Variants in TASP1 observed in about 807,000 individuals in gnomAD.
The protein encoded by TASP1 is threonine aspartase 1.
TASP1 carries 16 observed loss-of-function variants against 56.6 expected under a neutral mutation model. The ratio of observed to expected loss-of-function variants is 0.28; its 90% CI spans 0.19 to 0.43. The LOEUF is 0.43. Ranked by LOEUF, TASP1 falls within the 20% of genes least tolerant of loss-of-function variation. TASP1 has a pLI of 1.00. For missense variants in TASP1, 393 were observed against 511.6 expected, an observed-to-expected ratio of 0.77 and a Z score of 2.24; for synonymous variants, 179 against 184.2, an observed-to-expected ratio of 0.97 and a Z score of 0.23.
the TASP1 span, among the ~76,000 whole-genome samples, chr20:13,287,879 T>C: frequency 6.6e-6 from 1 of 152,186 alleles, no homozygotes; most frequent in Non-Finnish European, 1.5e-5. Context: ...CATGATCCTG[T>C]GGCTCAGGAG....
chr20:13,631,160 T>C (rs1359975813), intron 1 of TASP1, among the ~76,000 whole-genome samples: 2 of 152,178 alleles, frequency 1.3e-5, no homozygotes, highest in African/African-American at 2.4e-5. Flanking sequence ...ATTCCCTTAA[T>C]TCTTGGTTTA....
the TASP1 span, among the ~76,000 whole-genome samples, chr20:13,112,481 C>T: frequency 3.9e-5 from 6 of 152,272 alleles, no homozygotes; most frequent in Non-Finnish European, 7.4e-5. Context: ...AGGCCAGCCC[C>T]GATTCAAAAG....
At chr20:13,184,854 G>A in the TASP1 span, among the ~76,000 whole-genome samples, 5 of 152,140 alleles carry the variant, frequency 3.3e-5, no homozygotes, top group African/African-American at 1.2e-4. Context: ...TAGGTCAGCT[G>A]AACCTAAGCT....
the TASP1 span, among the ~76,000 whole-genome samples, chr20:13,153,383 C>A: frequency 6.6e-6 from 1 of 152,126 alleles, no homozygotes. Context: ...CCAATGTTGT[C>A]CTTTTTTCTG....
At chr20:13,158,740 G>A in the TASP1 span, among the ~76,000 whole-genome samples, 8 of 152,246 alleles carry the variant, frequency 5.3e-5, no homozygotes, top group African/African-American at 1.9e-4. Context: ...AGCCAGAGAG[G>A]CTGTGTGTCT....
chr20:13,131,870 G>A, the TASP1 span, among the ~76,000 whole-genome samples: 1 of 152,112 alleles, frequency 6.6e-6, no homozygotes, highest in Non-Finnish European at 1.5e-5. Context: ...ACTCAGCAGA[G>A]TCCAGACTGT....
chr20:13,419,547 A>AT (rs1292504325), intron 12 of TASP1, among the ~76,000 whole-genome samples: 1 of 152,238 alleles, frequency 6.6e-6, no homozygotes, highest in Non-Finnish European at 1.5e-5. Flanking sequence ...TAAAGTTGTA[A>AT]TGTACTCCAA....
the TASP1 span, among the ~76,000 whole-genome samples, chr20:13,178,886 TA>T: frequency 5.9e-5 from 9 of 152,064 alleles, no homozygotes; most frequent in African/African-American, 2.2e-4. Flanking sequence ...CTATAGTTAA[TA>T]ATAATACATC....
Position 13,402,241 on chromosome 20 carries a change from T to C in TASP1, c.1171-11789A>G, listed in dbSNP as rs371164838. On this transcript the variant is annotated intron_variant, in intron 13 of 13. Coordinates refer to ENST00000337743, the MANE Select transcript of TASP1 (RefSeq NM_017714.3). ...TGTTGAATGAATCATTTGGAAGAAATTAATGATGTAAGACTAATTAGGCAA... is the reference window on the plus strand; with the variant it reads ...TGTTGAATGAATCATTTGGAAGAAACTAATGATGTAAGACTAATTAGGCAA... Among the ~76,000 whole-genome samples, 16 of 152,338 alleles carry C rather than the reference T, an allele frequency of 1.1e-4. No homozygotes were observed. The East Asian group carries it at 2.5e-3, about 24-fold the overall frequency.
the TASP1 span, among the ~76,000 whole-genome samples, chr20:13,183,768 G>A: frequency 1.5e-3 from 225 of 152,226 alleles, no homozygotes; most frequent in African/African-American, 4.7e-3. Context: ...GGTGGCTCAC[G>A]CCTGTAATCC....
chr20:13,312,752 C>T, the TASP1 span, among the ~76,000 whole-genome samples: 37 of 152,302 alleles, frequency 2.4e-4, no homozygotes, highest in East Asian at 7.0e-3. Flanking sequence ...GGGAAATCAT[C>T]ACACTTAGTC....
At chr20:13,118,143 T>C in the TASP1 span, among the ~76,000 whole-genome samples, 1 of 152,108 alleles carries the variant, frequency 6.6e-6, no homozygotes, top group Non-Finnish European at 1.5e-5. Flanking sequence ...CTGAAAACTA[T>C]AAGCATTAAA....
At chr20:13,505,501 A>G (rs1178616784) in intron 10 of TASP1, among the ~76,000 whole-genome samples, 1 of 152,180 alleles carries the variant, frequency 6.6e-6, no homozygotes, top group East Asian at 1.9e-4. Flanking sequence ...CACACAGGAT[A>G]CTTTCCAGGA....
chr20:13,581,947 A>G (rs2047141245), intron 5 of TASP1, among the ~76,000 whole-genome samples: 1 of 152,148 alleles, frequency 6.6e-6, no homozygotes, highest in Non-Finnish European at 1.5e-5. Flanking sequence ...ATCGGAGACC[A>G]TACCCTTCAT....
chr20:13,210,591 G>A, the TASP1 span, among the ~76,000 whole-genome samples: 1 of 150,206 alleles, frequency 6.7e-6, no homozygotes, highest in African/African-American at 2.5e-5. Context: ...AGATAAATGG[G>A]TTGTTGTGTG....
chr20:13,360,422 C>T, the TASP1 span, among the ~76,000 whole-genome samples: 1 of 151,996 alleles, frequency 6.6e-6, no homozygotes, highest in Non-Finnish European at 1.5e-5. Context: ...CCCTGCCAAT[C>T]GTGTCCAACT....
chr20:13,159,515 T>C, the TASP1 span, among the ~76,000 whole-genome samples: 1 of 152,208 alleles, frequency 6.6e-6, no homozygotes, highest in Non-Finnish European at 1.5e-5. Context: ...CAAATTATAC[T>C]CATTAAGTAT....
intron 12 of TASP1, among the ~76,000 whole-genome samples, chr20:13,426,147 C>G (rs58023165): frequency 0.059 from 8,945 of 152,176 alleles, 393 homozygotes; most frequent in African/African-American, 0.13. Context: ...CCTGTTTTAT[C>G]CTTTTATTGT....
the TASP1 span, among the ~76,000 whole-genome samples, chr20:13,370,723 C>T: frequency 5.1e-4 from 78 of 152,202 alleles, no homozygotes; most frequent in African/African-American, 1.8e-3. Flanking sequence ...AGAGTGGACC[C>T]TAATCCATTA....
Sources: allele counts gnomAD v4.1 joint callset (sites outside exome capture counted in the v4.1 genomes callset), GRCh38; gene constraint gnomAD v4.1.1; transcripts MANE v1.5; gene names NCBI Gene and HGNC (gene_info 2026-07-23, HGNC 2026-07-21).